Variants in KCND3 observed in about 807,000 individuals in gnomAD.
KCND3 encodes potassium voltage-gated channel subfamily D member 3.
KCND3 carries 9 observed loss-of-function variants against 51.1 expected under a neutral mutation model. The observed-to-expected ratio is 0.18, with a 90% CI of 0.11 to 0.31. KCND3 has a LOEUF of 0.31. KCND3 is among the 10% of genes least tolerant of loss of function. The pLI is 1.00. For synonymous variants in KCND3, 349 were observed against 368.0 expected (o/e 0.95, Z 0.59); for missense variants, 526 against 903.8 (o/e 0.58, Z 5.36).
At chr1:111,811,257 AAC>A (rs1665833279) in intron 2 of KCND3, among the ~76,000 whole-genome samples, 1 of 152,188 alleles carries the variant, frequency 6.6e-6, no homozygotes, top group African/African-American at 2.4e-5. Context: ...TGAGTGGGGC[AAC>A]AGTGTGGCAG....
chr1:111,911,959 G>C (rs1316850938), intron 2 of KCND3, among the ~76,000 whole-genome samples: 1 of 152,210 alleles, frequency 6.6e-6, no homozygotes, highest in Non-Finnish European at 1.5e-5. Context: ...AGAATTCTTG[G>C]AGTTCAAGAC....
intron 2 of KCND3, among the ~76,000 whole-genome samples, chr1:111,881,067 C>T (rs1669282827): frequency 6.6e-6 from 1 of 152,180 alleles, no homozygotes; most frequent in South Asian, 2.1e-4. Context: ...GCTCTGTCTC[C>T]CAGCCTGGAA....
chr1:111,846,334 T>C (rs1046071121), intron 2 of KCND3, among the ~76,000 whole-genome samples: 2 of 152,194 alleles, frequency 1.3e-5, no homozygotes, highest in African/African-American at 2.4e-5. Context: ...AAAAAGCCCA[T>C]TTATCCTCTT....
intron 2 of KCND3, among the ~76,000 whole-genome samples, chr1:111,952,269 T>C (rs1328183541): frequency 6.6e-6 from 1 of 152,176 alleles, no homozygotes; most frequent in Non-Finnish European, 1.5e-5. Flanking sequence ...CTGGGAGTTC[T>C]TGCTTTCAAA....
intron 2 of KCND3, among the ~76,000 whole-genome samples, chr1:111,869,184 T>G (rs568443528): frequency 5.9e-5 from 9 of 152,180 alleles, no homozygotes; most frequent in Non-Finnish European, 8.8e-5. Flanking sequence ...CTTATTATAA[T>G]GTTTCCTCTC....
chr1:111,908,871 TAAAAC>T (rs1670777611), intron 2 of KCND3, among the ~76,000 whole-genome samples: 1 of 148,520 alleles, frequency 6.7e-6, no homozygotes, highest in South Asian at 2.1e-4. Flanking sequence ...AAGGAATAAA[TAAAAC>T]TAAAGCAGCA....
intron 2 of KCND3, among the ~76,000 whole-genome samples, chr1:111,861,676 C>A (rs1460005145): frequency 6.6e-6 from 1 of 152,164 alleles, no homozygotes; most frequent in Admixed American, 6.5e-5. Context: ...GCATTCCCAG[C>A]CTGGCAGAGC....
At position 111,982,105 on chromosome 1, in the gene KCND3, C is replaced by T. The variant is rs760097003; in HGVS notation, c.622G>A (p.Gly208Ser). 7.4e-6 allele frequency: 12 copies of T among 1,613,656 alleles called. No individual in the cohort carries two copies. Among genetic ancestry groups the T allele is most frequent in the Non-Finnish European group, 8.5e-6 (10 of 1,179,986 alleles). ...AGCTCCTTGCTGCCCGGGACCGTGC[C>T]GCACGGCACCGTCTCCACCACGTTG... is the stretch of plus-strand genomic sequence containing the variant. ...ITNVVETVPC[G>S]TVPGSKELPC... is the part of the protein sequence containing the mutation. Residue 208 changes from glycine to serine, a missense_variant, in exon 2 of 8, where the codon GGC (glycine) becomes AGC (serine). By Grantham distance (56) the Gly-to-Ser change is moderately conservative (BLOSUM62 0). Around this residue, in one of 5 missense-constraint regions of KCND3, gnomAD observed 51 missense variants for 84.7 expected, o/e 0.60. Transcript: ENST00000302127. This position sits in a 1 kb window ranked among gnomAD's most constrained non-coding sequence, Gnocchi z 8.5.
At chr1:111,950,362 C>A (rs1168484580) in intron 2 of KCND3, among the ~76,000 whole-genome samples, 3 of 152,212 alleles carry the variant, frequency 2.0e-5, no homozygotes, top group African/African-American at 4.8e-5. Flanking sequence ...TTTGACAACA[C>A]CACCTTCCGC....
At chr1:111,878,383 G>T (rs1669152225) in intron 2 of KCND3, among the ~76,000 whole-genome samples, 1 of 152,206 alleles carries the variant, frequency 6.6e-6, no homozygotes. Context: ...GGGGAGACAT[G>T]GGGACTCTGC....
chr1:111,927,244 C>T (rs1180181912), intron 2 of KCND3, among the ~76,000 whole-genome samples: 1 of 152,176 alleles, frequency 6.6e-6, no homozygotes, highest in Non-Finnish European at 1.5e-5. Context: ...CTATGGGGTG[C>T]CCACAGGCTG....
intron 2 of KCND3, among the ~76,000 whole-genome samples, chr1:111,879,325 T>G (rs1571785306): frequency 1.3e-5 from 2 of 152,126 alleles, no homozygotes; most frequent in South Asian, 4.1e-4. Flanking sequence ...GTAGGTTGGG[T>G]TTTTGCATGT....
Position 111,778,466 on chromosome 1 carries a change from G to A in KCND3, c.1488C>T (p.Pro496=), listed in dbSNP as rs767903728. The change falls in exon 6 of 8, where the codon CCC becomes CCT. Residue 496 remains proline, a synonymous_variant. Transcript: ENST00000302127. ...TTGLSYLVDD[P]LLSVRTSTIK... Reference sequence around the variant, plus strand: ...TGGTGGAGGTTCGTACAGATAACAGGGGATCATCCACAAGATAGGACAACC... The same window carrying A: ...TGGTGGAGGTTCGTACAGATAACAGAGGATCATCCACAAGATAGGACAACC... The A allele has an allele frequency of 6.2e-7, 1 of 1,613,896 alleles. No homozygotes were observed. Among genetic ancestry groups the A allele is most frequent in the Non-Finnish European group, 8.5e-7 (1 of 1,179,908 alleles).
chr1:111,879,168 T>C (rs1434023591), intron 2 of KCND3, among the ~76,000 whole-genome samples: 4 of 152,230 alleles, frequency 2.6e-5, no homozygotes, highest in African/African-American at 9.6e-5. Flanking sequence ...ATCTTGGGAC[T>C]ACTCCGCCTC....
chr1:111,840,129 T>G (rs955102417), intron 2 of KCND3, among the ~76,000 whole-genome samples: 2 of 152,172 alleles, frequency 1.3e-5, no homozygotes, highest in Non-Finnish European at 1.5e-5. Context: ...CCTGGGCATT[T>G]TTTTTAGAAG....
chr1:111,809,506 C>T (rs1665742853), intron 2 of KCND3, among the ~76,000 whole-genome samples: 1 of 152,164 alleles, frequency 6.6e-6, no homozygotes, highest in African/African-American at 2.4e-5. Context: ...AACGGGGTTT[C>T]ACCATGTTAG....
chr1:111,885,474 C>T (rs911262872), intron 2 of KCND3, among the ~76,000 whole-genome samples: 3 of 152,202 alleles, frequency 2.0e-5, no homozygotes, highest in South Asian at 2.1e-4. Flanking sequence ...GTGTGCACTA[C>T]ACATTCCCAT....
At chr1:111,915,752 CAA>C (rs35574221) in intron 2 of KCND3, among the ~76,000 whole-genome samples, 6 of 67,328 alleles carry the variant, frequency 8.9e-5, no homozygotes, top group African/African-American at 2.4e-4. Context: ...GACTCTGTCT[CAA>C]AAAAAAAAAA....
At chr1:111,967,007 G>A (rs1674027394) in intron 2 of KCND3, among the ~76,000 whole-genome samples, 1 of 151,988 alleles carries the variant, frequency 6.6e-6, no homozygotes, top group African/African-American at 2.4e-5. Context: ...AGCCATGGTA[G>A]CGCATGCCTG....
Sources: allele counts gnomAD v4.1 joint callset (sites outside exome capture counted in the v4.1 genomes callset), GRCh38; gene constraint gnomAD v4.1.1; regional missense constraint gnomAD v4.1.1; non-coding constraint Gnocchi (gnomAD v3.1); transcripts MANE v1.5; gene names NCBI Gene and HGNC (gene_info 2026-07-23, HGNC 2026-07-21).